Variants in MYH13 observed in about 807,000 individuals in gnomAD.
MYH13 encodes the protein myosin-13.
A neutral mutation model predicts 232.1 loss-of-function variants in MYH13; 177 were observed. The ratio of observed to expected loss-of-function variants is 0.76; its 90% confidence interval spans 0.67 to 0.86. MYH13 has a LOEUF of 0.86. Ranked by LOEUF, MYH13 falls within the 40% of genes least tolerant of loss-of-function variation. The probability of loss-of-function intolerance (pLI) is 0.00; values close to 1 mark genes in which losing one functional copy is unlikely to be tolerated. For missense variants in MYH13, 2,246 were observed against 2,405.9 expected (o/e 0.93, Z 1.39); for synonymous variants, 884 against 923.5 (o/e 0.96, Z 0.78).
rs200117357 is a variant in MYH13 at position 10,362,383 on chromosome 17, G to T, written c.325C>A (p.Arg109Ser). Residue 109 changes from arginine to serine, a missense_variant, in exon 4 of 41, where the codon CGC becomes AGC. Arg to Ser is a moderately radical substitution (Grantham distance 110). Transcript: ENST00000252172. ...ACGTAGATCATCCAGGCTGCATAGC[G>T]CTCTTTGAGGTTGTACAGAACAGCA... ...EPAVLYNLKE[R>S]YAAWMIYTYS... is the part of the protein sequence containing the mutation. 1.2e-6 allele frequency: 2 copies of T among 1,614,168 alleles called. No homozygotes were observed. Among genetic ancestry groups the T allele is most frequent in the Non-Finnish European group, 1.7e-6 (2 of 1,180,044 alleles).
At chr17:10,371,909 G>C (rs1279942851) in intron 1 of MYH13, among the ~76,000 whole-genome samples, 2 of 152,170 alleles carry the variant, frequency 1.3e-5, no homozygotes, top group Non-Finnish European at 2.9e-5. Context: ...AGCTCTAGGA[G>C]TTTATAAACT....
intron 7 of MYH13, among the ~76,000 whole-genome samples, chr17:10,358,663 A>G (rs61454348): frequency 1.0e-3 from 154 of 152,190 alleles, no homozygotes; most frequent in African/African-American, 3.6e-3. Flanking sequence ...AGGCTGAAGG[A>G]TGATCGCTTG....
intron 18 of MYH13, among the ~76,000 whole-genome samples, chr17:10,333,486 G>C (rs1214066544): frequency 6.6e-6 from 1 of 152,236 alleles, no homozygotes; most frequent in Non-Finnish European, 1.5e-5. Context: ...GGCTGCAAAA[G>C]CTGCAGAGTG....
Position 10,307,032 on chromosome 17 carries a change from C to T in MYH13, c.5202G>A (p.Leu1734=). Residue 1734 remains leucine, a synonymous_variant, in exon 36 of 41, where the codon CTG becomes CTA. Transcript: ENST00000252172. The part of the protein sequence containing the change: ...NTSLINTKKK[L]EADIAQCQAE... Reference sequence around the variant, plus strand: ...CCTGGCACTGAGCTATGTCAGCCTCCAGTTTTTTCTTGGTATTTATCAGGC... The same window carrying T: ...CCTGGCACTGAGCTATGTCAGCCTCTAGTTTTTTCTTGGTATTTATCAGGC... 6.2e-7 allele frequency: 1 copy of T among 1,613,968 alleles called. No homozygotes were observed. Among genetic ancestry groups the T allele is most frequent in the South Asian group, 1.1e-5 (1 of 91,078 alleles).
In MYH13 at chr17:10,306,375, C is replaced by T. The variant is rs546308420; in HGVS notation, c.5466+84G>A. 1.3e-6 allele frequency: 2 copies of T among 1,573,292 alleles called. No homozygotes were observed. The highest frequency in any genetic ancestry group is 1.7e-6 in the Non-Finnish European group (2 of 1,155,228). Reference sequence around the variant, plus strand: ...AATTTGCAATCTATTCATTCAGTGGCCTTTTCCCACCATCTCAGTTTCTGG... The same window carrying T: ...AATTTGCAATCTATTCATTCAGTGGTCTTTTCCCACCATCTCAGTTTCTGG... On this transcript the variant is annotated intron_variant, in intron 37 of 40. Coordinates refer to ENST00000252172, the MANE Select transcript of MYH13 (RefSeq NM_003802.3). The surrounding 1 kb of genome is among the most constrained non-coding windows in gnomAD (Gnocchi z 4.3).
intron 15 of MYH13, 87 bp downstream of exon 15, chr17:10,345,115 C>T (rs2071652006): frequency 6.2e-7 from 1 of 1,608,186 alleles, no homozygotes. Context: ...GGCTAGGGGC[C>T]CCAATCTGTG....
chr17:10,339,231 C>G (rs1363533236), intron 18 of MYH13, among the ~76,000 whole-genome samples: 1 of 152,172 alleles, frequency 6.6e-6, no homozygotes, highest in Non-Finnish European at 1.5e-5. Context: ...CTCCGTGTGA[C>G]AGTTTGTTTT....
chr17:10,301,893 G>A (rs1267364228), intron 39 of MYH13, among the ~76,000 whole-genome samples, 190 bp from the exon 40 acceptor site: 1 of 152,132 alleles, frequency 6.6e-6, no homozygotes, highest in Non-Finnish European at 1.5e-5. Flanking sequence ...GTACTGCCTC[G>A]GATCACCTTG....
chr17:10,318,654 G>C (rs1906806945), intron 27 of MYH13, 136 bp downstream of exon 27: 1 of 1,193,024 alleles, frequency 8.4e-7, no homozygotes, highest in Non-Finnish European at 1.2e-6. Flanking sequence ...TGAGGAACTA[G>C]AAACAGGCAG....
intron 24 of MYH13, among the ~76,000 whole-genome samples, chr17:10,321,236 A>C (rs1906928485): frequency 6.6e-6 from 1 of 152,234 alleles, no homozygotes; most frequent in Non-Finnish European, 1.5e-5. Context: ...TGATGATAGC[A>C]ATAGTAGCAG....
chr17:10,338,304 G>A (rs1226347159), intron 18 of MYH13, among the ~76,000 whole-genome samples: 2 of 151,872 alleles, frequency 1.3e-5, no homozygotes, highest in Non-Finnish European at 1.5e-5. Flanking sequence ...TGGAGAAGCC[G>A]GCTCATTGGT....
intron 11 of MYH13, among the ~76,000 whole-genome samples, chr17:10,353,062 T>C (rs557544914): frequency 6.4e-4 from 91 of 141,524 alleles, no homozygotes; most frequent in South Asian, 4.8e-4. Context: ...TGATGGGCCA[T>C]TGTGCATATA....
intron 39 of MYH13, among the ~76,000 whole-genome samples, 172 bp from the exon 40 acceptor site, chr17:10,301,875 G>A (rs1307316275): frequency 6.6e-6 from 1 of 152,198 alleles, no homozygotes; most frequent in East Asian, 1.9e-4. Flanking sequence ...CCCAGCTCAC[G>A]ACCATGTGTA....
rs758217537 is a variant in MYH13 at position 10,359,978 on chromosome 17, T to A, written c.627A>T (p.Thr209=). ...TGCTCACCTGCATTTTGCCTGGCTGTGTCTCCTTCTTCTTGTCCCCGGTAA... is the reference window on the plus strand; with the variant it reads ...TGCTCACCTGCATTTTGCCTGGCTGAGTCTCCTTCTTCTTGTCCCCGGTAA... The part of the protein sequence containing the change: ...IAVTGDKKKE[T]QPGKMQGTLE... The change falls in exon 7 of 41, where the codon ACA becomes ACT. Residue 209 remains threonine, a synonymous_variant. Transcript: ENST00000252172. 17 of 1,613,678 alleles carry A rather than the reference T, an allele frequency of 1.1e-5. No individual in the cohort carries two copies. Among genetic ancestry groups the A allele is most frequent in the Admixed American group, 6.7e-5 (4 of 60,004 alleles).
chr17:10,317,825 T>C (rs1451445866), intron 27 of MYH13: 1 of 152,234 alleles, frequency 6.6e-6, no homozygotes, highest in East Asian at 1.9e-4. Flanking sequence ...TTCTGGCAAA[T>C]GGCCCAAAGA....
chr17:10,370,869 C>T (rs2071872928), intron 2 of MYH13, among the ~76,000 whole-genome samples: 2 of 152,144 alleles, frequency 1.3e-5, no homozygotes, highest in Non-Finnish European at 2.9e-5. Context: ...AGACTCTGCT[C>T]AAGGAGCAGC....
At position 10,330,463 on chromosome 17, in the gene MYH13, T is replaced by A; in HGVS notation, c.2359A>T (p.Thr787Ser). The A allele has an allele frequency of 6.2e-7, 1 of 1,612,960 alleles. No individual in the cohort carries two copies. The highest frequency in any genetic ancestry group is 8.5e-7 in the Non-Finnish European group (1 of 1,179,746). Residue 787 changes from threonine to serine, a missense_variant, in exon 21 of 41, where the codon ACG becomes TCG. Physicochemically the swap from Thr to Ser is moderately conservative, Grantham distance 58. Transcript: ENST00000252172. ...ACCGCCTGCGTGCTTGTCATCAGCGTCACCAGCTTCTCATCTCTCATCTCC... is the reference window on the plus strand; with the variant it reads ...ACCGCCTGCGTGCTTGTCATCAGCGACACCAGCTTCTCATCTCTCATCTCC... ...LEEMRDEKLV[T>S]LMTSTQAVCR...
chr17:10,323,390 A>T (rs1907049935), intron 23 of MYH13, among the ~76,000 whole-genome samples: 1 of 152,004 alleles, frequency 6.6e-6, no homozygotes, highest in Non-Finnish European at 1.5e-5. Flanking sequence ...GCTTGGTGCT[A>T]TGGGAACTGA....
chr17:10,364,319 A>C lies in MYH13; in HGVS notation c.204+8T>G, dbSNP rs756076509. The C allele has an allele frequency of 6.2e-7, 1 of 1,611,022 alleles. No individual in the cohort carries two copies. Among genetic ancestry groups the C allele is most frequent in the Non-Finnish European group, 8.5e-7 (1 of 1,177,580 alleles). ...ATATTATCAAAGACATCTGTAATCA[A>C]CACTCACCCGGTCATCGAGGGTCTT... On this transcript the variant is annotated splice_region_variant and intron_variant, in intron 3 of 40. Transcript: ENST00000252172.
Sources: allele counts gnomAD v4.1 joint callset (sites outside exome capture counted in the v4.1 genomes callset), GRCh38; gene constraint gnomAD v4.1.1; non-coding constraint Gnocchi (gnomAD v3.1); transcripts MANE v1.5; gene names NCBI Gene and HGNC (gene_info 2026-07-23, HGNC 2026-07-21).